Variants in POLI observed in about 807,000 individuals in gnomAD.
POLI encodes the protein RAD30 homolog B.
POLI carries 58 observed loss-of-function variants against 51.6 expected under a neutral mutation model. The ratio of observed to expected loss-of-function variants is 1.12; its 90% CI spans 0.91 to 1.40. POLI has a LOEUF of 1.40. POLI is among the 40% of genes most tolerant of loss of function. POLI has a pLI of 0.00. For synonymous variants in POLI, 322 were observed against 299.7 expected (o/e 1.07, Z -0.77); for missense variants, 921 against 871.3 (o/e 1.06, Z -0.72).
chr18:54,281,565 G>A (rs1324643466), intron 5 of POLI, among the ~76,000 whole-genome samples: 1 of 152,032 alleles, frequency 6.6e-6, no homozygotes, highest in East Asian at 1.9e-4. Context: ...ACTGATACTT[G>A]CGTGATTCCA....
At chr18:54,300,536 A>T (rs1229540649), downstream of POLI, among the ~76,000 whole-genome samples, 2 of 152,120 alleles carry the variant, frequency 1.3e-5, no homozygotes, top group African/African-American at 4.8e-5. Context: ...CCCCAAAAAA[A>T]GCTTAAAAGG....
chr18:54,291,986 A>G lies in POLI; in HGVS notation c.1352A>G (p.Tyr451Cys), dbSNP rs371538130. 10 of 1,611,384 alleles carry G rather than the reference A, an allele frequency of 6.2e-6. No individual in the cohort carries two copies. The African/African-American group carries it at 1.3e-4, about 22-fold the overall frequency. Reference protein sequence around the residue: ...LNTAKKGLIDYYLMPSLSTTS... With the variant: ...LNTAKKGLIDCYLMPSLSTTS... ...ACTGCTAAGAAAGGGCTTATTGATTATTATTTAATGCCATCATTATCAACT... is the reference window on the plus strand; with the variant it reads ...ACTGCTAAGAAAGGGCTTATTGATTGTTATTTAATGCCATCATTATCAACT... Residue 451 changes from tyrosine (Y) to cysteine (C), a missense_variant, in exon 9 of 10, where the codon TAT (tyrosine) becomes TGT (cysteine). By Grantham distance (194) the Tyr-to-Cys change is radical (BLOSUM62 -2). Coordinates refer to ENST00000579534, the MANE Select transcript of POLI (RefSeq NM_007195.3).
chr18:54,275,565 T>C (rs1469980720), intron 3 of POLI, among the ~76,000 whole-genome samples: 1 of 152,216 alleles, frequency 6.6e-6, no homozygotes, highest in Non-Finnish European at 1.5e-5. Flanking sequence ...AGGTACAAAG[T>C]CATGTATCAT....
chr18:54,317,220 G>A (rs1222516153), intron 3 of POLI, among the ~76,000 whole-genome samples: 1 of 152,152 alleles, frequency 6.6e-6, no homozygotes, highest in Non-Finnish European at 1.5e-5. Flanking sequence ...AAATTCATGA[G>A]GCAGAGCTAA....
chr18:54,319,058 C>G (rs999887181), intron 3 of POLI, among the ~76,000 whole-genome samples: 3 of 152,118 alleles, frequency 2.0e-5, no homozygotes, highest in African/African-American at 7.2e-5. Context: ...GCCTTTCACT[C>G]TTTTTCTTCC....
Position 54,297,077 on chromosome 18 carries a change from C to T in POLI, c.*2610C>T, listed in dbSNP as rs918270504. ...CAAACTCCTTGGCATACTCTATTCA[C>T]CTTTGTGGATCCTGATTGAATGCCT... On this transcript the variant is annotated 3_prime_UTR_variant, in exon 10 of 10. Coordinates refer to ENST00000579534, the MANE Select transcript of POLI (RefSeq NM_007195.3). The T allele has an allele frequency of 8.1e-6, 8 of 985,272 alleles. No individual in the cohort carries two copies. The African/African-American group carries it at 1.2e-4, about 15-fold the overall frequency. The allele number at this position is 985,272 out of a possible 1,614,324, so 61.0% of individuals were successfully genotyped here.
downstream of POLI, among the ~76,000 whole-genome samples, chr18:54,298,892 C>G (rs1044556446): frequency 1.3e-5 from 2 of 152,056 alleles, no homozygotes; most frequent in Non-Finnish European, 2.9e-5. Context: ...GGCCCTACTA[C>G]AGAATCTTTT....
At chr18:54,301,527 A>G (rs1482232768), downstream of POLI, among the ~76,000 whole-genome samples, 1 of 152,188 alleles carries the variant, frequency 6.6e-6, no homozygotes, top group African/African-American at 2.4e-5. Flanking sequence ...GAAACCATAC[A>G]TTGGATTTTA....
At position 54,294,252 on chromosome 18, in the gene POLI, A is replaced by G. The variant is rs765342669; in HGVS notation, c.2008A>G (p.Arg670Gly). The G allele has an allele frequency of 4.3e-5, 69 of 1,613,646 alleles. No homozygotes were observed. The highest frequency in any genetic ancestry group is 3.3e-4 in the Middle Eastern group (2 of 6,078). ...CTTGCAGAGTGAGCAACTTTTCTCC[A>G]GAAACCACACTACAGATAGCCATAA... Reference protein sequence around the residue: ...PNLQSEQLFSRNHTTDSHKQT... With the variant: ...PNLQSEQLFSGNHTTDSHKQT... Residue 670 changes from arginine (R) to glycine (G), a missense_variant, in exon 10 of 10, where the codon AGA (arginine) becomes GGA (glycine). Physicochemically the swap from Arg to Gly is moderately radical, Grantham distance 125. Transcript: ENST00000579534.
At chr18:54,316,323 C>T (rs934781189) in intron 3 of POLI, among the ~76,000 whole-genome samples, 5 of 152,120 alleles carry the variant, frequency 3.3e-5, no homozygotes, top group African/African-American at 1.2e-4. Flanking sequence ...TATGGGTAAA[C>T]ATTCTAGATG....
In POLI at chr18:54,296,306, A is replaced by G. The variant is rs1380104576; in HGVS notation, c.*1839A>G. On this transcript the variant is annotated 3_prime_UTR_variant, in exon 10 of 10. Transcript: ENST00000579534. ...AGCAAAATAGTTAAAAATACATTTC[A>G]TAGATTGAGAATGTACGGGCTATGT... 6 of 984,786 alleles carry G rather than the reference A, an allele frequency of 6.1e-6. No individual in the cohort carries two copies. Among genetic ancestry groups the G allele is most frequent in the African/African-American group, 3.5e-5 (2 of 57,236 alleles). 61.0% of individuals were successfully genotyped at this position (984,786 alleles called of 1,614,324 possible).
chr18:54,310,410 A>G (rs2088654866), intron 3 of POLI, among the ~76,000 whole-genome samples: 1 of 151,994 alleles, frequency 6.6e-6, no homozygotes, highest in Non-Finnish European at 1.5e-5. Context: ...TTTGCAGACT[A>G]CCACCACTTG....
intron 3 of POLI, among the ~76,000 whole-genome samples, chr18:54,276,798 A>C (rs1295935660): frequency 1.3e-5 from 2 of 152,146 alleles, no homozygotes; most frequent in Non-Finnish European, 2.9e-5. Flanking sequence ...ACAAAAAAGC[A>C]CCTTTGGTGT....
In POLI at chr18:54,294,387, G is replaced by T; in HGVS notation, c.2143G>T (p.Glu715Ter). 1 of 1,613,468 alleles carries T rather than the reference G, an allele frequency of 6.2e-7. No individual in the cohort carries two copies. Among genetic ancestry groups the T allele is most frequent in the African/African-American group, 1.3e-5 (1 of 75,014 alleles). The change falls in exon 10 of 10, where the codon GAA becomes TAA. Residue 715 changes from glutamate (E) to a stop codon, truncating the protein, a stop_gained. Transcript: ENST00000579534. LOFTEE classifies it high-confidence loss of function. ...TGACATTGATCCTCAAGTTTTCTATGAACTACCAGAAGCAGTACAAAAGGA... is the reference window on the plus strand; with the variant it reads ...TGACATTGATCCTCAAGTTTTCTATTAACTACCAGAAGCAGTACAAAAGGA... ...PSDIDPQVFY[E>*]LPEAVQKELL... is the part of the protein sequence containing the mutation.
chr18:54,289,581 T>C (rs1201043023), intron 8 of POLI, among the ~76,000 whole-genome samples: 1 of 150,740 alleles, frequency 6.6e-6, no homozygotes, highest in Admixed American at 6.6e-5. Flanking sequence ...CAAACTATAC[T>C]ACAAGGCTAC....
At chr18:54,300,115 T>A (rs1220843444), downstream of POLI, among the ~76,000 whole-genome samples, 1 of 114,810 alleles carries the variant, frequency 8.7e-6, no homozygotes, top group Non-Finnish European at 2.0e-5. Context: ...GCACACCAGA[T>A]GGAAATACAG....
chr18:54,306,717 G>A (rs1056742637), intron 3 of POLI, among the ~76,000 whole-genome samples: 1 of 152,060 alleles, frequency 6.6e-6, no homozygotes, highest in Non-Finnish European at 1.5e-5. Context: ...ACTTTTTTTG[G>A]TTGGTAGGCT....
At chr18:54,271,202 C>G in intron 1 of POLI, 158 bp from the exon 2 acceptor site, 1 of 552,930 alleles carries the variant, frequency 1.8e-6, no homozygotes, top group South Asian at 3.0e-5. Flanking sequence ...AGTGGAGTTT[C>G]ATGTCTTTGT....
chr18:54,269,562 G>C lies in POLI; in HGVS notation c.16G>C (p.Val6Leu). 1.3e-6 allele frequency: 2 copies of C among 1,498,186 alleles called. No homozygotes were observed. The highest frequency in any genetic ancestry group is 8.8e-7 in the Non-Finnish European group (1 of 1,130,992). 92.8% of individuals were successfully genotyped at this position (1,498,186 alleles called of 1,614,324 possible). A position where few individuals can be genotyped will look rare whatever the true frequency, so the allele number is the denominator to read the frequency against. Residue 6 changes from valine to leucine, a missense_variant, in exon 1 of 10, where the codon GTG becomes CTG. By Grantham distance (32) the Val-to-Leu change is conservative. Transcript: ENST00000579534. MEKLGVEPEEEGGGDD... is the reference protein window; with the variant it reads MEKLGLEPEEEGGGDD... ...CAGCGGCGGGATGGAGAAGCTGGGGGTGGAGCCGGAGGAGGAAGGCGGCGG... is the reference window on the plus strand; with the variant it reads ...CAGCGGCGGGATGGAGAAGCTGGGGCTGGAGCCGGAGGAGGAAGGCGGCGG...
Sources: allele counts gnomAD v4.1 joint callset (sites outside exome capture counted in the v4.1 genomes callset), GRCh38; gene constraint gnomAD v4.1.1; transcripts MANE v1.5; gene names NCBI Gene and HGNC (gene_info 2026-07-23, HGNC 2026-07-21).